Variants in FLRT2 observed in about 807,000 individuals in gnomAD.
The protein encoded by FLRT2 is fibronectin leucine rich transmembrane protein 2.
FLRT2 carries 15 observed loss-of-function variants against 40.0 expected under a neutral mutation model. The ratio of observed to expected loss-of-function variants is 0.38; its 90% CI spans 0.25 to 0.58. The LOEUF is 0.58. Among genes scored for constraint, FLRT2 ranks in the 20% least tolerant of loss-of-function variants. The probability of loss-of-function intolerance (pLI) is 0.71; values close to 1 mark genes in which losing one functional copy is unlikely to be tolerated. For synonymous variants in FLRT2, 380 were observed against 336.8 expected, an observed-to-expected ratio of 1.13 and a Z score of -1.41; for missense variants, 726 against 840.0, an observed-to-expected ratio of 0.86 and a Z score of 1.68.
chr14:85,550,307 T>A (rs1226312743), intron 1 of FLRT2, among the ~76,000 whole-genome samples: 20 of 152,170 alleles, frequency 1.3e-4, no homozygotes, highest in Admixed American at 1.3e-3. Context: ...TACGAGATTC[T>A]AAGAATGAGC....
chr14:85,562,119 C>T (rs1452079956), intron 1 of FLRT2, among the ~76,000 whole-genome samples: 2 of 152,182 alleles, frequency 1.3e-5, no homozygotes, highest in East Asian at 3.9e-4. Context: ...ACAGTTTTTA[C>T]ACTTTAAAGC....
chr14:85,606,940 AT>A (rs61656247), intron 1 of FLRT2, among the ~76,000 whole-genome samples: 2,426 of 145,314 alleles, frequency 0.017, 66 homozygotes, highest in African/African-American at 0.057. Context: ...GATTGCCTAG[AT>A]TTTTTTTTTT....
At chr14:85,562,024 A>G (rs1890360104) in intron 1 of FLRT2, among the ~76,000 whole-genome samples, 1 of 152,116 alleles carries the variant, frequency 6.6e-6, no homozygotes, top group Admixed American at 6.5e-5. Context: ...TTTCTTACCA[A>G]TTGAAACTGG....
chr14:85,621,735 A>G lies in FLRT2; in HGVS notation c.221A>G (p.Gln74Arg), dbSNP rs757913785. 6 of 1,614,162 alleles carry G rather than the reference A, an allele frequency of 3.7e-6. No individual in the cohort carries two copies. The highest frequency in any genetic ancestry group is 5.1e-6 in the Non-Finnish European group (6 of 1,180,032). ...ACTGTACTCTACCTCCACAACAACC[A>G]AATTAATAATGCTGGATTTCCTGCA... ...GVTVLYLHNN[Q>R]INNAGFPAEL... Residue 74 changes from glutamine to arginine, a missense_variant, in exon 2 of 2, where the codon CAA (glutamine) becomes CGA (arginine). By Grantham distance (43) the Gln-to-Arg change is conservative (BLOSUM62 1). This residue lies in a region of FLRT2 where 106 missense variants were observed against 121.2 expected (regional missense o/e 0.87). Transcript: ENST00000330753.
At chr14:85,569,092 G>A (rs1890776066) in intron 1 of FLRT2, among the ~76,000 whole-genome samples, 1 of 152,172 alleles carries the variant, frequency 6.6e-6, no homozygotes, top group Non-Finnish European at 1.5e-5. Flanking sequence ...CTTCACAGGT[G>A]GTGGATTTTT....
chr14:85,587,729 G>A (rs1489790474), intron 1 of FLRT2, among the ~76,000 whole-genome samples: 6 of 152,082 alleles, frequency 3.9e-5, no homozygotes, highest in African/African-American at 1.2e-4. Flanking sequence ...AAAACTCATC[G>A]TTGGAAGAAG....
In FLRT2 at chr14:85,644,309, T is replaced by G. The variant is rs1358615311; in HGVS notation, c.*20812T>G. ...TCCAATGCAACTGTCAATTTAGAAATTTCTTTCTTTTTATCTCAATAGGCA... is the reference window on the plus strand; with the variant it reads ...TCCAATGCAACTGTCAATTTAGAAAGTTCTTTCTTTTTATCTCAATAGGCA... On this transcript the variant is annotated 3_prime_UTR_variant, in exon 2 of 2. Coordinates refer to ENST00000330753, the MANE Select transcript of FLRT2 (RefSeq NM_013231.6). 1.3e-5 allele frequency: 2 copies of G among 152,184 alleles called. No homozygotes were observed. Among genetic ancestry groups the G allele is most frequent in the African/African-American group, 4.8e-5 (2 of 41,450 alleles). The allele number at this position is 152,184 out of a possible 1,614,324, so 9.4% of individuals were successfully genotyped here.
chr14:85,545,175 G>T (rs1889210801), intron 1 of FLRT2, among the ~76,000 whole-genome samples: 2 of 152,118 alleles, frequency 1.3e-5, no homozygotes, highest in Admixed American at 6.5e-5. Context: ...AGTATTGGCA[G>T]GGCCAACTTC....
At chr14:85,535,911 T>G (rs1204548220) in intron 1 of FLRT2, among the ~76,000 whole-genome samples, 8 of 82,110 alleles carry the variant, frequency 9.7e-5, no homozygotes, top group East Asian at 3.0e-4. Flanking sequence ...TTTTTTTTTT[T>G]TTTTTTTTTT....
intron 1 of FLRT2, among the ~76,000 whole-genome samples, chr14:85,547,046 CTTCCCTTTCATCT>C (rs1889317419): frequency 6.6e-6 from 1 of 151,644 alleles, no homozygotes; most frequent in Admixed American, 6.6e-5. Flanking sequence ...CATATTTCTC[CTTCCCTTTCATCT>C]TTCCTTTCCT....
At position 85,628,143 on chromosome 14, in the gene FLRT2, G is replaced by A. The variant is rs1219025317; in HGVS notation, c.*4646G>A. On this transcript the variant is annotated 3_prime_UTR_variant, in exon 2 of 2. Transcript: ENST00000330753. The stretch of plus-strand genomic sequence containing the variant: ...TTCTTTTAAATTTCCCAACTAAATT[G>A]TGTGTTCCTACGAATACCTTTTAGG... The A allele has an allele frequency of 6.6e-6, 1 of 152,076 alleles. No individual in the cohort carries two copies. The highest frequency in any genetic ancestry group is 1.5e-5 in the Non-Finnish European group (1 of 68,016). The allele number at this position is 152,076 out of a possible 1,614,324, so 9.4% of individuals were successfully genotyped here.
At position 85,651,406 on chromosome 14, in the gene FLRT2, C is replaced by G. The variant is rs983116786; in HGVS notation, c.*27909C>G. ...CAACTCCATTACATTAAGCTAATAT[C>G]GCTTCATTTTATCTCTCATCACATT... On this transcript the variant is annotated 3_prime_UTR_variant, in exon 2 of 2. Transcript: ENST00000330753. 11 of 151,874 alleles carry G rather than the reference C, an allele frequency of 7.2e-5. No homozygotes were observed. Among genetic ancestry groups the G allele is most frequent in the Admixed American group, 2.0e-4 (3 of 15,220 alleles). The allele number at this position is 151,874 out of a possible 1,614,324, so 9.4% of individuals were successfully genotyped here. A position where few individuals can be genotyped will look rare whatever the true frequency, so the allele number is the denominator to read the frequency against.
chr14:85,605,566 C>T (rs113478261), intron 1 of FLRT2, among the ~76,000 whole-genome samples: 6,516 of 152,140 alleles, frequency 0.043, 197 homozygotes, highest in South Asian at 0.085. Flanking sequence ...GTCAGGAGAT[C>T]GAGACCATCC....
In FLRT2 at chr14:85,622,735, G is replaced by T; in HGVS notation, c.1221G>T (p.Thr407=). The change falls in exon 2 of 2, where the codon ACG becomes ACT. Residue 407 remains threonine, a synonymous_variant. Coordinates refer to ENST00000330753, the MANE Select transcript of FLRT2 (RefSeq NM_013231.6). The stretch of plus-strand genomic sequence containing the variant: ...CTCCTACCACATCGAAACTTCCCAC[G>T]ATTCCTGACTGGGATGGCAGAGAAA... ...PPTPTTSKLP[T]IPDWDGRERV... 6.2e-7 allele frequency: 1 copy of T among 1,613,964 alleles called. No individual in the cohort carries two copies. The highest frequency in any genetic ancestry group is 8.5e-7 in the Non-Finnish European group (1 of 1,179,980).
chr14:85,566,759 T>C (rs778560330), intron 1 of FLRT2, among the ~76,000 whole-genome samples: 16 of 134,896 alleles, frequency 1.2e-4, no homozygotes, highest in Non-Finnish European at 2.2e-4. Flanking sequence ...TTGGATACTA[T>C]GAAATCTTCA....
rs1287155383 is a variant in FLRT2, at chr14:85,625,613, G to T, written c.*2116G>T. 6.0e-6 allele frequency: 1 copy of T among 166,988 alleles called. No homozygotes were observed. Among genetic ancestry groups the T allele is most frequent in the Non-Finnish European group, 1.5e-5 (1 of 68,124 alleles). The allele number at this position is 166,988 out of a possible 1,614,324, so 10.3% of individuals were successfully genotyped here. On this transcript the variant is annotated 3_prime_UTR_variant, in exon 2 of 2. Coordinates refer to ENST00000330753, the MANE Select transcript of FLRT2 (RefSeq NM_013231.6). ...TATTAGCTAGAGGGTTTTGGCTGTT[G>T]CTTTTTTTAAAGTTAGGTCCACACA... is the stretch of plus-strand genomic sequence containing the variant.
chr14:85,555,382 A>T (rs758468607), intron 1 of FLRT2, among the ~76,000 whole-genome samples: 2 of 152,232 alleles, frequency 1.3e-5, no homozygotes, highest in Non-Finnish European at 2.9e-5. Context: ...TCTCAGTTCC[A>T]TGTGGCTGGG....
chr14:85,569,963 A>G (rs12883113), intron 1 of FLRT2, among the ~76,000 whole-genome samples: 3,661 of 152,280 alleles, frequency 0.024, 119 homozygotes, highest in East Asian at 0.1. Flanking sequence ...TGTCTACCAC[A>G]GTGTTCTTTA....
intron 1 of FLRT2, among the ~76,000 whole-genome samples, chr14:85,567,635 ATTTT>A (rs34161461): frequency 1.3e-5 from 1 of 75,060 alleles, no homozygotes; most frequent in Non-Finnish European, 2.7e-5. Flanking sequence ...AGTGACTTAC[ATTTT>A]TTTTTTTTTT....
Sources: allele counts gnomAD v4.1 joint callset (sites outside exome capture counted in the v4.1 genomes callset), GRCh38; gene constraint gnomAD v4.1.1; regional missense constraint gnomAD v4.1.1; transcripts MANE v1.5; gene names NCBI Gene and HGNC (gene_info 2026-07-23, HGNC 2026-07-21).